DAPK2: variants seen among roughly 807,000 people sequenced by gnomAD.
The protein encoded by DAPK2 is death associated protein kinase 2.
In DAPK2, 35 loss-of-function variants were observed where a neutral mutation model predicts 44.1. The ratio of observed to expected loss-of-function variants is 0.79; its 90% CI spans 0.61 to 1.05. The LOEUF is 1.05. Among genes scored for constraint, DAPK2 ranks in the 50% least tolerant of loss-of-function variants. DAPK2 has a pLI of 0.00. For missense variants in DAPK2, 453 were observed against 483.2 expected, an observed-to-expected ratio of 0.94 and a Z score of 0.59; for synonymous variants, 174 against 182.6, an observed-to-expected ratio of 0.95 and a Z score of 0.38.
intron 3 of DAPK2, among the ~76,000 whole-genome samples, chr15:63,957,563 G>A (rs942780107): frequency 3.7e-5 from 5 of 135,054 alleles, no homozygotes; most frequent in African/African-American, 1.4e-4. Context: ...GTGTCCAAGT[G>A]TTCTCATTGT....
chr15:64,005,798 G>A (rs2079210911), intron 1 of DAPK2, among the ~76,000 whole-genome samples: 1 of 152,188 alleles, frequency 6.6e-6, no homozygotes, highest in African/African-American at 2.4e-5. Context: ...AGAGGCTGAG[G>A]TGGGAGGATC....
rs1029517517 is a variant in DAPK2 at position 63,908,428 on chromosome 15, G to A, written c.*92C>T. On this transcript the variant is annotated 3_prime_UTR_variant, in exon 11 of 11. Transcript: ENST00000261891. The surrounding 1 kb of genome is among the most constrained non-coding windows in gnomAD (Gnocchi z 5.7). ...CTCTTGCAAAGTGCTCAGGACGCCC[G>A]GGTGCTGGTGCTGAGCTGGGTCCAA... is the stretch of plus-strand genomic sequence containing the variant. The A allele has an allele frequency of 7.4e-5, 55 of 744,110 alleles. No homozygotes were observed. Among genetic ancestry groups the A allele is most frequent in the South Asian group, 2.8e-4 (13 of 46,648 alleles). 46.1% of individuals were successfully genotyped at this position (744,110 alleles called of 1,614,324 possible).
chr15:63,935,025 C>G (rs1317692339), intron 4 of DAPK2, among the ~76,000 whole-genome samples: 1 of 148,354 alleles, frequency 6.7e-6, no homozygotes, highest in Non-Finnish European at 1.5e-5. Context: ...GTGGCAAACT[C>G]TATATCAATG....
At chr15:63,961,133 G>T (rs1035694970) in intron 3 of DAPK2, among the ~76,000 whole-genome samples, 3 of 152,072 alleles carry the variant, frequency 2.0e-5, no homozygotes, top group Non-Finnish European at 4.4e-5. Context: ...ATCTTTGTTG[G>T]TTTAAAGTTG....
At chr15:63,998,755 G>A (rs139769692) in intron 1 of DAPK2, among the ~76,000 whole-genome samples, 6 of 152,248 alleles carry the variant, frequency 3.9e-5, no homozygotes, top group African/African-American at 1.2e-4. Context: ...TCTACTTCCC[G>A]GAATCTCACC....
intron 1 of DAPK2, among the ~76,000 whole-genome samples, chr15:64,017,502 C>T (rs1382458452): frequency 6.6e-6 from 1 of 152,188 alleles, no homozygotes; most frequent in African/African-American, 2.4e-5. Context: ...TCTCCCTGTG[C>T]CTAGAGAGCC....
rs142526378 is a variant in DAPK2 at position 63,983,564 on chromosome 15, T to C, written c.283A>G (p.Asn95Asp). 124 of 1,614,064 alleles carry C rather than the reference T, an allele frequency of 7.7e-5. No individual in the cohort carries two copies. Among genetic ancestry groups the C allele is most frequent in the Non-Finnish European group, 9.9e-5 (117 of 1,180,032 alleles). ...AGGATGAGCACCACGTCGGTGCGGT[T>C]CTCATAGACGTCGTGCAGCGTGATG... The change falls in exon 2 of 11, where the codon AAC becomes GAC. Residue 95 changes from asparagine (N) to aspartate (D), a missense_variant. Asn to Asp is a conservative substitution (Grantham distance 23). Transcript: ENST00000261891.
At chr15:64,016,836 G>T (rs2079540992) in intron 1 of DAPK2, among the ~76,000 whole-genome samples, 2 of 102,786 alleles carry the variant, frequency 1.9e-5, no homozygotes, top group East Asian at 2.4e-4. Context: ...AGGAAGGAAG[G>T]AGGGAAGGAA....
At chr15:63,907,424 A>C in exon 11 of DAPK2, 1 of 150,670 alleles carries the variant, frequency 6.6e-6, no homozygotes, top group East Asian at 1.9e-4. Context: ...GTCTCTGGCA[A>C]CTTTTTTTTT....
intron 1 of DAPK2, among the ~76,000 whole-genome samples, chr15:64,006,054 A>AC: frequency 6.7e-6 from 1 of 148,636 alleles, no homozygotes; most frequent in African/African-American, 2.5e-5. Context: ...AAAAAAAAAA[A>AC]CCCCACAAAA....
At chr15:64,040,345 T>C (rs1595929580), upstream of DAPK2, 1 of 1,117,824 alleles carries the variant, frequency 8.9e-7, no homozygotes, top group East Asian at 2.4e-5. Context: ...CTAAACGTAA[T>C]TGGCTGCAAG....
At chr15:63,940,997 GTAAACGGTACACAT>G (rs2077292972) in intron 3 of DAPK2, among the ~76,000 whole-genome samples, 2 of 152,096 alleles carry the variant, frequency 1.3e-5, no homozygotes, top group South Asian at 4.1e-4. Flanking sequence ...ATATAACTTT[GTAAACGGTACACAT>G]TAAGTGAATA....
At chr15:63,983,212 C>T (rs1004381508) in intron 2 of DAPK2, among the ~76,000 whole-genome samples, 1 of 152,178 alleles carries the variant, frequency 6.6e-6, no homozygotes, top group Non-Finnish European at 1.5e-5. Context: ...ACATGCTTCT[C>T]CAGCCAGGAA....
At chr15:63,937,093 G>C (rs1035308549) in intron 4 of DAPK2, among the ~76,000 whole-genome samples, 1 of 152,022 alleles carries the variant, frequency 6.6e-6, no homozygotes, top group African/African-American at 2.4e-5. Context: ...TCTGAGGTTA[G>C]AATATCAAAG....
At chr15:64,029,743 A>G (rs1180962986) in intron 1 of DAPK2, 1 of 152,314 alleles carries the variant, frequency 6.6e-6, no homozygotes, top group African/African-American at 2.4e-5. Flanking sequence ...ACATGCACAT[A>G]CTCATAAGCT....
intron 1 of DAPK2, among the ~76,000 whole-genome samples, chr15:64,007,936 T>C (rs530267634): frequency 6.6e-6 from 1 of 152,352 alleles, no homozygotes; most frequent in Non-Finnish European, 1.5e-5. Context: ...CCGCATGTTG[T>C]ATGATTGCAC....
At chr15:63,982,411 A>G (rs565474095) in intron 2 of DAPK2, among the ~76,000 whole-genome samples, 13 of 152,134 alleles carry the variant, frequency 8.5e-5, no homozygotes, top group East Asian at 5.8e-4. Flanking sequence ...GGCTGGTCTC[A>G]AACTCCGACC....
chr15:63,947,651 G>A (rs1208560480), intron 3 of DAPK2, among the ~76,000 whole-genome samples: 1 of 152,192 alleles, frequency 6.6e-6, no homozygotes, highest in Non-Finnish European at 1.5e-5. Flanking sequence ...CCTATCTCAA[G>A]AGGGTTACTA....
upstream of DAPK2, among the ~76,000 whole-genome samples, chr15:64,042,905 A>G (rs912495547): frequency 6.6e-6 from 1 of 152,232 alleles, no homozygotes; most frequent in Non-Finnish European, 1.5e-5. The surrounding 1 kb of genome is among the most constrained non-coding windows in gnomAD (Gnocchi z 4.7). Context: ...TCCCAAAAAC[A>G]GATGACAATT....
Sources: gnomAD v4.1 joint callset for allele counts (sites outside exome capture counted in the v4.1 genomes callset) on GRCh38, gnomAD v4.1.1 for gene constraint, Gnocchi (gnomAD v3.1) non-coding constraint, MANE v1.5 for transcripts, NCBI Gene and HGNC (gene_info 2026-07-23, HGNC 2026-07-21) for gene names.